Variants in PRKCB observed in about 807,000 individuals in gnomAD.
PRKCB encodes protein kinase C beta type.
PRKCB carries 13 observed loss-of-function variants against 81.5 expected under a neutral mutation model. The ratio of observed to expected loss-of-function variants is 0.16; its 90% CI spans 0.10 to 0.25. The LOEUF (loss-of-function observed/expected upper bound fraction) is 0.25, where lower values mean the gene tolerates loss of function less well. Among genes scored for constraint, PRKCB ranks in the 10% least tolerant of loss-of-function variants. The pLI, the probability that PRKCB is intolerant of heterozygous loss-of-function variation, is 1.00. For synonymous variants in PRKCB, 335 were observed against 321.4 expected (o/e 1.04, Z -0.45); for missense variants, 509 against 875.7 (o/e 0.58, Z 5.29).
intron 9 of PRKCB, among the ~76,000 whole-genome samples, chr16:24,152,820 G>T (rs1322815338): frequency 1.3e-5 from 2 of 152,022 alleles, no homozygotes; most frequent in Non-Finnish European, 2.9e-5. Context: ...CAGAGGGTCT[G>T]CAGGAGCCAC....
intron 3 of PRKCB, among the ~76,000 whole-genome samples, chr16:24,020,442 C>G (rs994170413): frequency 3.3e-5 from 5 of 152,196 alleles, no homozygotes; most frequent in African/African-American, 1.2e-4. Context: ...TGAATGCAGG[C>G]ATGCGAAGTT....
At chr16:23,937,919 G>A (rs1488604302) in intron 2 of PRKCB, among the ~76,000 whole-genome samples, 1 of 152,132 alleles carries the variant, frequency 6.6e-6, no homozygotes, top group Non-Finnish European at 1.5e-5. Flanking sequence ...CATACGTTAG[G>A]TGCATAGAAG....
chr16:23,992,472 A>G (rs1217781501), intron 3 of PRKCB, among the ~76,000 whole-genome samples: 1 of 152,216 alleles, frequency 6.6e-6, no homozygotes, highest in Non-Finnish European at 1.5e-5. Flanking sequence ...CTAATCAACC[A>G]TTTATAAGAA....
chr16:24,075,217 T>C (rs2141887991), intron 5 of PRKCB, among the ~76,000 whole-genome samples: 1 of 152,350 alleles, frequency 6.6e-6, no homozygotes, highest in South Asian at 2.1e-4. Context: ...AGTGGCCTCA[T>C]GTGGCTAGTG....
intron 9 of PRKCB, among the ~76,000 whole-genome samples, chr16:24,125,096 ATCCCAATCT>A: frequency 1.5e-5 from 1 of 64,854 alleles, no homozygotes; most frequent in Non-Finnish European, 2.7e-5. Context: ...ATTAATTGCA[ATCCCAATCT>A]TGTTACCTAT....
At chr16:23,882,993 C>T (rs1468023072) in intron 2 of PRKCB, among the ~76,000 whole-genome samples, 4 of 152,054 alleles carry the variant, frequency 2.6e-5, no homozygotes, top group Non-Finnish European at 4.4e-5. Flanking sequence ...CTAACTGCAC[C>T]ACAGCTCCAG....
intron 2 of PRKCB, among the ~76,000 whole-genome samples, chr16:23,911,409 T>A (rs1044399439): frequency 2.6e-5 from 4 of 152,014 alleles, no homozygotes; most frequent in African/African-American, 9.7e-5. Flanking sequence ...ATTACAGGCA[T>A]GCGCTACCAT....
intron 9 of PRKCB, among the ~76,000 whole-genome samples, chr16:24,144,718 C>T (rs1346984216): frequency 6.6e-6 from 1 of 152,140 alleles, no homozygotes; most frequent in African/African-American, 2.4e-5. Flanking sequence ...TTGGATGGAG[C>T]CTTATGTAAA....
Position 24,185,140 on chromosome 16 carries a change from C to A in PRKCB, c.1563C>A (p.Ser521=). 2 of 1,614,034 alleles carry A rather than the reference C, an allele frequency of 1.2e-6. No individual in the cohort carries two copies. The highest frequency in any genetic ancestry group is 1.1e-5 in the South Asian group (1 of 91,064). The part of the protein sequence containing the change: ...EIIAYQPYGK[S]VDWWAFGVLL... ...TTGCTTATCAGCCCTATGGGAAGTC[C>A]GTGGATTGGTGGGCATTTGGAGTCC... The change falls in exon 14 of 17, where the codon TCC becomes TCA. Residue 521 remains serine, a synonymous_variant. Transcript: ENST00000643927.
intron 2 of PRKCB, among the ~76,000 whole-genome samples, chr16:23,956,908 T>C (rs1964356316): frequency 7.2e-6 from 1 of 139,332 alleles, no homozygotes; most frequent in African/African-American, 2.7e-5. Context: ...TGGGAGGCCA[T>C]GTGGAAGGAT....
chr16:23,911,128 C>CTTTTTTTTTTTT lies in PRKCB; in HGVS notation c.205+73736_205+73747dup. On this transcript the variant is annotated intron_variant, in intron 2 of 16. Transcript: ENST00000643927. The stretch of plus-strand genomic sequence containing the variant: ...ATAAATAGCCATAAACGTATATATG[C>CTTTTTTTTTTTT]TTTTTTTTTTTTTTTTTTTTTTTTT... 3.5e-4 allele frequency among the ~76,000 whole-genome samples: 11 copies of CTTTTTTTTTTTT among 31,558 alleles called. 3 individuals are homozygous for CTTTTTTTTTTTT. In the East Asian group the frequency reaches 6.4e-3, roughly 18 times the overall value. The allele number at this position is 31,558 out of a possible 152,430, so 20.7% of individuals were successfully genotyped here.
chr16:23,938,886 G>T (rs576275991), intron 2 of PRKCB, among the ~76,000 whole-genome samples: 20 of 152,224 alleles, frequency 1.3e-4, no homozygotes, highest in Middle Eastern at 3.4e-3. Context: ...AAAAAAGAAA[G>T]AAAGAAAGAA....
chr16:23,900,904 G>A (rs528715172), intron 2 of PRKCB, among the ~76,000 whole-genome samples: 1 of 151,972 alleles, frequency 6.6e-6, no homozygotes, highest in Non-Finnish European at 1.5e-5. Flanking sequence ...GGAATTTCTA[G>A]GTTAAGATGG....
chr16:23,931,702 G>T (rs1243199748), intron 2 of PRKCB, among the ~76,000 whole-genome samples: 1 of 152,052 alleles, frequency 6.6e-6, no homozygotes, highest in Non-Finnish European at 1.5e-5. Context: ...GAGGGCTGGT[G>T]CCTTTTACTT....
intron 9 of PRKCB, among the ~76,000 whole-genome samples, chr16:24,139,270 T>C (rs1454919419): frequency 6.6e-6 from 1 of 152,212 alleles, no homozygotes; most frequent in Non-Finnish European, 1.5e-5. Flanking sequence ...TTGATCAATA[T>C]CAATTCTATT....
At position 24,068,477 on chromosome 16, in the gene PRKCB, G is replaced by GAAAAA. The variant is rs530701855; in HGVS notation, c.530-24303_530-24299dup. ...TTGAGAATTGATTTATGGCCCAAAG[G>GAAAAA]AAAAAAAAAAAAAAACCACACACAG... On this transcript the variant is annotated intron_variant, in intron 5 of 16. Coordinates refer to ENST00000643927, the MANE Select transcript of PRKCB (RefSeq NM_002738.7). Among the ~76,000 whole-genome samples, 532 of 116,198 alleles carry GAAAAA rather than the reference G, an allele frequency of 4.6e-3. 3 individuals are homozygous for GAAAAA. The highest frequency in any genetic ancestry group is 0.015 in the African/African-American group (521 of 34,084). The allele number at this position is 116,198 out of a possible 152,430, so 76.2% of individuals were successfully genotyped here.
At chr16:24,025,237 A>G (rs983938795) in intron 3 of PRKCB, among the ~76,000 whole-genome samples, 10 of 152,194 alleles carry the variant, frequency 6.6e-5, no homozygotes, top group African/African-American at 1.2e-4. Context: ...AACAGCGATG[A>G]TTGCAGCCCT....
At chr16:24,132,895 C>G (rs1055576719) in intron 9 of PRKCB, among the ~76,000 whole-genome samples, 8 of 151,970 alleles carry the variant, frequency 5.3e-5, no homozygotes, top group Non-Finnish European at 1.2e-4. Flanking sequence ...ATCTGCCTGC[C>G]TCAGCCTCCC....
Position 24,064,268 on chromosome 16 carries a change from T to C in PRKCB, c.530-28523T>C, listed in dbSNP as rs918273865. ...TTGAGATAGATATAGCATTGATTTT[T>C]CAGCCTATCTTCTTTCCTAATATGT... On this transcript the variant is annotated intron_variant, in intron 5 of 16. Coordinates refer to ENST00000643927, the MANE Select transcript of PRKCB (RefSeq NM_002738.7). Among the ~76,000 whole-genome samples, 25 of 152,230 alleles carry C rather than the reference T, an allele frequency of 1.6e-4. 1 individual carries two copies. Among genetic ancestry groups the C allele is most frequent in the Non-Finnish European group, 1.5e-5 (1 of 68,036 alleles).
Sources: gnomAD v4.1 joint callset for allele counts (sites outside exome capture counted in the v4.1 genomes callset) on GRCh38, gnomAD v4.1.1 for gene constraint, MANE v1.5 for transcripts, NCBI Gene and HGNC (gene_info 2026-07-23, HGNC 2026-07-21) for gene names.